Variants in RGS7BP observed in about 807,000 individuals in gnomAD.
The protein encoded by RGS7BP is regulator of G protein signaling 7-binding protein.
A neutral mutation model predicts 31.3 loss-of-function variants in RGS7BP; 9 were observed. That is an observed-to-expected ratio of 0.29 (90% CI 0.17 to 0.50). The LOEUF is 0.50. RGS7BP is among the 20% of genes least tolerant of loss of function. RGS7BP has a pLI of 0.98. For synonymous variants in RGS7BP, 115 were observed against 120.1 expected (o/e 0.96, Z 0.28); for missense variants, 274 against 322.0 (o/e 0.85, Z 1.14).
intron 3 of RGS7BP, among the ~76,000 whole-genome samples, chr5:64,590,365 A>G (rs941774315): frequency 1.3e-5 from 2 of 152,178 alleles, no homozygotes; most frequent in Admixed American, 1.3e-4. Context: ...AATTCAAAAA[A>G]GAAGAAGATA....
intron 2 of RGS7BP, among the ~76,000 whole-genome samples, chr5:64,514,191 CAT>C (rs1439563962): frequency 2.0e-5 from 3 of 152,148 alleles, no homozygotes; most frequent in African/African-American, 7.2e-5. Context: ...GGACAGTAGT[CAT>C]ATTGAATTAG....
rs926506067 is a variant in RGS7BP at position 64,609,959 on chromosome 5, T to C, written c.*707T>C. 1 of 152,476 alleles carries C rather than the reference T, an allele frequency of 6.6e-6. No individual in the cohort carries two copies. Among genetic ancestry groups the C allele is most frequent in the Non-Finnish European group, 1.5e-5 (1 of 67,946 alleles). The allele number at this position is 152,476 out of a possible 1,614,324, so 9.4% of individuals were successfully genotyped here. On this transcript the variant is annotated 3_prime_UTR_variant, in exon 6 of 6. Transcript: ENST00000334025. ...GGCAACTAATTTCTTTTTGATCCAATGATGTCTTTTTCAGCTTCTTGGAGA... is the reference window on the plus strand; with the variant it reads ...GGCAACTAATTTCTTTTTGATCCAACGATGTCTTTTTCAGCTTCTTGGAGA...
chr5:64,568,529 G>C (rs1742223715), intron 2 of RGS7BP, among the ~76,000 whole-genome samples: 2 of 152,130 alleles, frequency 1.3e-5, no homozygotes, highest in African/African-American at 2.4e-5. Context: ...AGTTCTTGGA[G>C]TGATACTCCT....
intron 2 of RGS7BP, among the ~76,000 whole-genome samples, chr5:64,519,559 A>C (rs1476300999): frequency 6.6e-6 from 1 of 152,200 alleles, no homozygotes; most frequent in Non-Finnish European, 1.5e-5. Context: ...TGAAGAGCAA[A>C]TAGCAATGTC....
chr5:64,560,964 A>C (rs2111862237), intron 2 of RGS7BP, among the ~76,000 whole-genome samples: 1 of 152,274 alleles, frequency 6.6e-6, no homozygotes, highest in African/African-American at 2.4e-5. Context: ...GTGTGCAGAA[A>C]AGAGCACAAA....
At chr5:64,558,031 G>A (rs1741968597) in intron 2 of RGS7BP, among the ~76,000 whole-genome samples, 1 of 152,080 alleles carries the variant, frequency 6.6e-6, no homozygotes, top group Non-Finnish European at 1.5e-5. Context: ...CACCCTCCAG[G>A]AGGCCTCCTG....
intron 2 of RGS7BP, among the ~76,000 whole-genome samples, chr5:64,542,833 G>A (rs970398239): frequency 2.0e-5 from 3 of 152,188 alleles, no homozygotes; most frequent in Non-Finnish European, 2.9e-5. Context: ...AAGTAAATAC[G>A]AAGTTATTAA....
chr5:64,575,822 G>A lies in RGS7BP; in HGVS notation c.381G>A (p.Gln127=), dbSNP rs200348501. The A allele has an allele frequency of 1.3e-4, 212 of 1,612,526 alleles. No individual in the cohort carries two copies. The highest frequency in any genetic ancestry group is 3.5e-4 in the South Asian group (32 of 90,882). Residue 127 remains glutamine (Q), a synonymous_variant, in exon 3 of 6, where the codon CAG becomes CAA. Coordinates refer to ENST00000334025, the MANE Select transcript of RGS7BP (RefSeq NM_001029875.3). ...CAGAAATCTGTCGGCTTTACATCCA[G>A]CTGCAGTGCTGCTTAGAAATGTATA... ...IHPEICRLYI[Q]LQCCLEMYTT... is the part of the protein sequence containing the mutation.
chr5:64,552,466 C>G (rs1483238415), intron 2 of RGS7BP, among the ~76,000 whole-genome samples: 1 of 152,088 alleles, frequency 6.6e-6, no homozygotes, highest in Non-Finnish European at 1.5e-5. Context: ...ATACTCTTTT[C>G]TTTTTCTTGT....
At chr5:64,608,976 G>A (rs1245834486) in intron 5 of RGS7BP, among the ~76,000 whole-genome samples, 185 bp from the exon 6 acceptor site, 2 of 151,992 alleles carry the variant, frequency 1.3e-5, no homozygotes, top group Non-Finnish European at 2.9e-5. Flanking sequence ...ATTGAGGGAT[G>A]CTACTAAACA....
At chr5:64,567,386 G>A (rs1742196776) in intron 2 of RGS7BP, among the ~76,000 whole-genome samples, 1 of 152,096 alleles carries the variant, frequency 6.6e-6, no homozygotes, top group African/African-American at 2.4e-5. Context: ...ATGTTGTGCT[G>A]TTACAGTTAA....
intron 3 of RGS7BP, among the ~76,000 whole-genome samples, chr5:64,576,972 G>T (rs1016354347): frequency 2.6e-5 from 4 of 152,194 alleles, no homozygotes; most frequent in South Asian, 2.1e-4. Context: ...GATAGAAAAG[G>T]CCAGAGAACT....
chr5:64,562,853 A>T (rs918220130), intron 2 of RGS7BP, among the ~76,000 whole-genome samples: 1 of 152,170 alleles, frequency 6.6e-6, no homozygotes. Context: ...ACAAACATGG[A>T]TGGAGAGCCT....
rs531207214 is a variant in RGS7BP, at chr5:64,561,827, A to C, written c.333-13947A>C. 5.4e-5 allele frequency among the ~76,000 whole-genome samples: 8 copies of C among 149,152 alleles called. No individual in the cohort carries two copies. The South Asian group carries it at 1.7e-3, about 31-fold the overall frequency. On this transcript the variant is annotated intron_variant, in intron 2 of 5. Coordinates refer to ENST00000334025, the MANE Select transcript of RGS7BP (RefSeq NM_001029875.3). ...CTAACCTAAACGTTTGCTAATCACT[A>C]TCTCCTCCTGCCCATATGTCTGTCT... is the stretch of plus-strand genomic sequence containing the variant.
intron 2 of RGS7BP, among the ~76,000 whole-genome samples, chr5:64,543,509 C>G (rs1457392290): frequency 6.6e-6 from 1 of 151,970 alleles, no homozygotes; most frequent in Admixed American, 6.6e-5. Context: ...ATCTCTCACT[C>G]AAGACAGCTC....
At chr5:64,529,180 T>A (rs1749311622) in intron 2 of RGS7BP, among the ~76,000 whole-genome samples, 1 of 152,186 alleles carries the variant, frequency 6.6e-6, no homozygotes. Flanking sequence ...TTATTTCAAG[T>A]GTTTAAAAAT....
intron 2 of RGS7BP, among the ~76,000 whole-genome samples, chr5:64,516,639 T>C (rs375596631): frequency 1.3e-5 from 2 of 152,312 alleles, no homozygotes; most frequent in East Asian, 3.9e-4. Context: ...CAGAATCATG[T>C]GGGTGGGATG....
chr5:64,572,340 C>G (rs1487222626), intron 2 of RGS7BP, among the ~76,000 whole-genome samples: 1 of 152,152 alleles, frequency 6.6e-6, no homozygotes, highest in Admixed American at 6.6e-5. Flanking sequence ...TTTCAGTTCA[C>G]TGCTTATAAC....
chr5:64,608,513 T>TGAA (rs1176951731), intron 5 of RGS7BP, among the ~76,000 whole-genome samples: 39 of 152,016 alleles, frequency 2.6e-4, no homozygotes, highest in Admixed American at 2.6e-3. Context: ...AGTCAATGAA[T>TGAA]GAAGGTGTGA....
Sources: gnomAD v4.1 joint callset for allele counts (sites outside exome capture counted in the v4.1 genomes callset) on GRCh38, gnomAD v4.1.1 for gene constraint, MANE v1.5 for transcripts, NCBI Gene and HGNC (gene_info 2026-07-23, HGNC 2026-07-21) for gene names.